The following ERC1 variants were observed in gnomAD, a reference collection of about 807,000 sequenced individuals.
The protein encoded by ERC1 is ELKS/RAB6-interacting/CAST family member 1, also known as RAB6 interacting protein 2.
In ERC1, 56 loss-of-function variants were observed where a neutral mutation model predicts 132.0. The ratio of observed to expected loss-of-function variants is 0.42; its 90% confidence interval spans 0.34 to 0.53. ERC1 has a LOEUF of 0.53. ERC1 is among the 20% of genes least tolerant of loss of function. The pLI is 0.03. For missense variants in ERC1, 1,202 were observed against 1,349.9 expected (o/e 0.89, Z 1.72); for synonymous variants, 478 against 476.1 (o/e 1.00, Z -0.05).
intron 8 of ERC1, among the ~76,000 whole-genome samples, chr12:1,165,031 T>G (rs1215883105): frequency 6.6e-6 from 1 of 152,196 alleles, no homozygotes; most frequent in African/African-American, 2.4e-5. Context: ...CTGAACAACT[T>G]AAGAGTTGTT....
At chr12:1,462,292 T>C (rs1477154829) in intron 18 of ERC1, among the ~76,000 whole-genome samples, 2 of 152,222 alleles carry the variant, frequency 1.3e-5, no homozygotes, top group African/African-American at 4.8e-5. Flanking sequence ...CAGTTTCTTA[T>C]AGATGTACAT....
intron 15 of ERC1, among the ~76,000 whole-genome samples, chr12:1,356,952 G>T (rs9668404): frequency 0.066 from 10,119 of 152,188 alleles, 611 homozygotes; most frequent in African/African-American, 0.15. Context: ...TACCGGGTTT[G>T]TTTTCATCCA....
intron 16 of ERC1, among the ~76,000 whole-genome samples, chr12:1,402,421 T>C (rs2091146386): frequency 6.6e-6 from 1 of 151,856 alleles, no homozygotes; most frequent in Non-Finnish European, 1.5e-5. Context: ...TCTCAGCTAC[T>C]CAGGAGGCTG....
In ERC1 at chr12:1,396,388, C is replaced by A. The variant is rs993927251; in HGVS notation, c.2926-11761C>A. On this transcript the variant is annotated intron_variant, in intron 16 of 18. Coordinates refer to ENST00000360905, the MANE Select transcript of ERC1 (RefSeq NM_178040.4). ...AAACCTATCATTTTTTTGCACCAAT[C>A]ATGGAAAATTGATTCTTGAATTCAA... Among the ~76,000 whole-genome samples, 10 of 152,248 alleles carry A rather than the reference C, an allele frequency of 6.6e-5. No individual in the cohort carries two copies. The East Asian group carries it at 1.9e-3, about 29-fold the overall frequency.
At chr12:1,440,243 C>T (rs372749620) in intron 17 of ERC1, among the ~76,000 whole-genome samples, 27 of 128,644 alleles carry the variant, frequency 2.1e-4, no homozygotes, top group East Asian at 6.7e-4. Flanking sequence ...CTTGCTCTGT[C>T]GCCCAGGCTG....
At chr12:1,400,908 A>ATTTTTTTTTTTTTTT (rs2090967822) in intron 16 of ERC1, among the ~76,000 whole-genome samples, 1 of 43,400 alleles carries the variant, frequency 2.3e-5, no homozygotes, top group African/African-American at 6.7e-5. Flanking sequence ...TGTTTTGGCT[A>ATTTTTTTTTTTTTTT]TTTTTGTATT....
In ERC1 at chr12:1,127,763, T is replaced by G. The variant is rs533178982; in HGVS notation, c.1569+11730T>G. The stretch of plus-strand genomic sequence containing the variant: ...ACATATTAAAACATATTAGAATAGC[T>G]GCATATTGAAGGAGGGATGGGTATT... On this transcript the variant is annotated intron_variant, in intron 7 of 18. Transcript: ENST00000360905. 2.6e-5 allele frequency among the ~76,000 whole-genome samples: 4 copies of G among 152,268 alleles called. No homozygotes were observed. The South Asian group carries it at 6.2e-4, about 24-fold the overall frequency.
chr12:1,247,937 G>C (rs764435909), intron 13 of ERC1, among the ~76,000 whole-genome samples: 5 of 152,170 alleles, frequency 3.3e-5, no homozygotes, highest in African/African-American at 1.2e-4. Context: ...TGGAGGTTGC[G>C]GTGAGCCGAG....
chr12:1,038,040 G>A (rs926845204), intron 2 of ERC1, among the ~76,000 whole-genome samples: 2 of 148,164 alleles, frequency 1.3e-5, no homozygotes, highest in Non-Finnish European at 3.0e-5. Flanking sequence ...GCAAGACTCC[G>A]TCTCAAAAAA....
chr12:1,438,072 T>A (rs896387222), intron 17 of ERC1, among the ~76,000 whole-genome samples: 16 of 152,204 alleles, frequency 1.1e-4, no homozygotes, highest in African/African-American at 3.9e-4. Context: ...GGACCTGAAC[T>A]CCTAGTGGTA....
chr12:1,253,298 G>A (rs2076578576), intron 13 of ERC1, among the ~76,000 whole-genome samples: 1 of 152,062 alleles, frequency 6.6e-6, no homozygotes, highest in Non-Finnish European at 1.5e-5. Context: ...AATTTTTGAG[G>A]GAGATGTTTG....
intron 16 of ERC1, among the ~76,000 whole-genome samples, chr12:1,404,561 A>AC (rs1209504320): frequency 6.6e-6 from 1 of 152,206 alleles, no homozygotes; most frequent in East Asian, 1.9e-4. Flanking sequence ...TTAGGAGTTC[A>AC]GTTTCCTACC....
At chr12:1,193,884 G>T (rs1432670978) in intron 12 of ERC1, among the ~76,000 whole-genome samples, 1 of 152,114 alleles carries the variant, frequency 6.6e-6, no homozygotes, top group Non-Finnish European at 1.5e-5. Flanking sequence ...AATATTTGAT[G>T]GAATAACTGG....
At chr12:1,004,476 G>A (rs1238978779) in intron 1 of ERC1, among the ~76,000 whole-genome samples, 5 of 139,084 alleles carry the variant, frequency 3.6e-5, no homozygotes, top group Non-Finnish European at 7.6e-5. Context: ...ACGTGATCTC[G>A]GCTCACTGCA....
intron 1 of ERC1, among the ~76,000 whole-genome samples, chr12:994,066 C>CAAAAAA (rs72073964): frequency 0.016 from 1,035 of 64,172 alleles, 112 homozygotes; most frequent in African/African-American, 0.032. Flanking sequence ...AACTCCGTCT[C>CAAAAAA]AAAAAAAAAA....
intron 18 of ERC1, among the ~76,000 whole-genome samples, chr12:1,457,268 C>T (rs1290465245): frequency 6.6e-6 from 1 of 152,118 alleles, no homozygotes; most frequent in Non-Finnish European, 1.5e-5. Flanking sequence ...CAGAATGTAT[C>T]CCCACCATTA....
chr12:1,138,343 A>G (rs896735116), intron 7 of ERC1, among the ~76,000 whole-genome samples: 1 of 142,438 alleles, frequency 7.0e-6, no homozygotes, highest in East Asian at 2.0e-4. Context: ...TATATGTTAT[A>G]TAATATATAA....
intron 2 of ERC1, among the ~76,000 whole-genome samples, chr12:1,071,788 A>G (rs980942116): frequency 3.3e-5 from 5 of 152,160 alleles, no homozygotes; most frequent in Non-Finnish European, 5.9e-5. Flanking sequence ...TAACCATCCA[A>G]ATATCTTTCC....
chr12:1,362,916 A>G (rs2086272038), intron 15 of ERC1, among the ~76,000 whole-genome samples: 1 of 152,176 alleles, frequency 6.6e-6, no homozygotes, highest in Admixed American at 6.5e-5. Context: ...TATACTTATC[A>G]TGTTTGCTAT....
Sources: allele counts gnomAD v4.1 joint callset (sites outside exome capture counted in the v4.1 genomes callset), GRCh38; gene constraint gnomAD v4.1.1; transcripts MANE v1.5; gene names NCBI Gene and HGNC (gene_info 2026-07-23, HGNC 2026-07-21).